Variants in ARHGAP36 observed in about 807,000 individuals in gnomAD.
ARHGAP36 encodes the protein rho GTPase-activating protein 36.
A neutral mutation model predicts 32.9 loss-of-function variants in ARHGAP36; 7 were observed. The observed-to-expected ratio is 0.21, with a 90% confidence interval of 0.12 to 0.40. ARHGAP36 has a LOEUF of 0.40. Among genes scored for constraint, ARHGAP36 ranks in the 10% least tolerant of loss-of-function variants. The pLI, the probability that ARHGAP36 is intolerant of heterozygous loss-of-function variation, is 1.00. For synonymous variants in ARHGAP36, 165 were observed against 168.3 expected (o/e 0.98, Z 0.15); for missense variants, 383 against 442.2 (o/e 0.87, Z 1.20).
chrX:131,086,231 C>A, intron 9 of ARHGAP36, 98 bp from the exon 10 acceptor site: 1 of 1,106,878 alleles, frequency 9.0e-7, no homozygotes. Flanking sequence ...CCCACATTAG[C>A]TGGCCCTGGT....
intron 1 of ARHGAP36, among the ~76,000 whole-genome samples, chrX:131,072,039 T>C (rs1405214514): frequency 8.9e-6 from 1 of 112,129 alleles, no homozygotes; most frequent in East Asian, 2.8e-4. Context: ...TATATATGAT[T>C]GGTGGGCTGC....
intron 1 of ARHGAP36, among the ~76,000 whole-genome samples, chrX:131,069,921 G>T (rs1052526243): frequency 5.3e-5 from 6 of 112,250 alleles, no homozygotes; most frequent in Non-Finnish European, 9.4e-5. Context: ...GTTAACTTAT[G>T]TCCCAGCAGC....
chrX:131,058,454 G>A lies in ARHGAP36; in HGVS notation c.-143+10G>A. ...CCCCGCCCCCGCCGTGGTGAGTGGGGCCCACCGAGTCGGGGGGCTGGGGTG... is the reference window on the plus strand; with the variant it reads ...CCCCGCCCCCGCCGTGGTGAGTGGGACCCACCGAGTCGGGGGGCTGGGGTG... On this transcript the variant is annotated intron_variant, in intron 1 of 11. Transcript: ENST00000276211. The A allele has an allele frequency of 1.9e-6, 2 of 1,055,770 alleles. No homozygotes were observed. The highest frequency in any genetic ancestry group is 1.2e-6 in the Non-Finnish European group (1 of 814,416). 87.0% of individuals were successfully genotyped at this position (1,055,770 alleles called of 1,213,427 possible). A position where few individuals can be genotyped will look rare whatever the true frequency, so the allele number is the denominator to read the frequency against.
intron 2 of ARHGAP36, among the ~76,000 whole-genome samples, chrX:131,082,478 C>T (rs1234524713): frequency 8.9e-6 from 1 of 112,152 alleles, no homozygotes; most frequent in Non-Finnish European, 1.9e-5. Context: ...CGGCGCAGGA[C>T]GAGGTTCGAG....
intron 1 of ARHGAP36, among the ~76,000 whole-genome samples, chrX:131,066,548 G>C (rs982507487): frequency 1.8e-5 from 2 of 112,156 alleles, no homozygotes; most frequent in Admixed American, 9.4e-5. Context: ...CGCTGTCTGG[G>C]AGACAAAGAC....
intron 1 of ARHGAP36, among the ~76,000 whole-genome samples, chrX:131,079,490 A>G (rs773066001): frequency 1.8e-5 from 2 of 111,291 alleles, no homozygotes; most frequent in African/African-American, 3.3e-5. Context: ...TAAGGGAAGT[A>G]GGCAAAAGAG....
chrX:131,088,699 C>G lies in ARHGAP36; in HGVS notation c.1558C>G (p.Pro520Ala). The change falls in exon 12 of 12, where the codon CCT (proline) becomes GCT (alanine). Residue 520 changes from proline to alanine, a missense_variant. Pro to Ala is a conservative substitution (Grantham distance 27). Coordinates refer to ENST00000276211, the MANE Select transcript of ARHGAP36 (RefSeq NM_144967.4). The stretch of plus-strand genomic sequence containing the variant: ...TGACGATGAGGAAGGAGCGGGTAAC[C>G]CTCCCATTCCGGAGCAAGACCGCCC... ...SHDDEEGAGN[P>A]PIPEQDRPLL... 8.3e-7 allele frequency: 1 copy of G among 1,211,699 alleles called. No individual in the cohort carries two copies.
intron 1 of ARHGAP36, among the ~76,000 whole-genome samples, chrX:131,076,331 C>T (rs1167775997): frequency 1.8e-5 from 2 of 112,303 alleles, no homozygotes; most frequent in Non-Finnish European, 3.8e-5. Flanking sequence ...CACTATTATG[C>T]ACCCTGATAC....
In ARHGAP36 at chrX:131,081,928, A is replaced by G; in HGVS notation, c.253+10A>G. ...TTCAAACCTGACAGAGGTAAGCTGT[A>G]CCCCGGATTGTGGCATCCTCGCCTT... On this transcript the variant is annotated intron_variant, in intron 2 of 11. Coordinates refer to ENST00000276211, the MANE Select transcript of ARHGAP36 (RefSeq NM_144967.4). 8.3e-7 allele frequency: 1 copy of G among 1,208,220 alleles called. No homozygotes were observed. The highest frequency in any genetic ancestry group is 1.1e-6 in the Non-Finnish European group (1 of 893,528).
At chrX:131,059,985 A>C (rs1267089225) in intron 1 of ARHGAP36, among the ~76,000 whole-genome samples, 1 of 111,425 alleles carries the variant, frequency 9.0e-6, no homozygotes, top group Admixed American at 9.5e-5. Flanking sequence ...TAGAATTAGA[A>C]GGCTTTTCTT....
chrX:131,067,988 C>T (rs1341447501), intron 1 of ARHGAP36, among the ~76,000 whole-genome samples: 4 of 111,487 alleles, frequency 3.6e-5, no homozygotes, highest in Non-Finnish European at 7.5e-5. Context: ...CATATACACT[C>T]ACCACAGCAC....
At chrX:131,088,328 C>T (rs990262107) in intron 11 of ARHGAP36, among the ~76,000 whole-genome samples, 36 of 111,923 alleles carry the variant, frequency 3.2e-4, no homozygotes, top group Non-Finnish European at 2.8e-4. Context: ...AGGAGGTCGC[C>T]CTCTTACCTG....
intron 1 of ARHGAP36, among the ~76,000 whole-genome samples, chrX:131,062,053 C>G (rs2079672167): frequency 8.9e-6 from 1 of 111,894 alleles, no homozygotes; most frequent in African/African-American, 3.3e-5. Context: ...TCACACCTAC[C>G]TACTACAACA....
intron 2 of ARHGAP36, 113 bp downstream of exon 2, chrX:131,082,031 G>C: frequency 1.1e-6 from 1 of 937,038 alleles, no homozygotes; most frequent in Non-Finnish European, 1.5e-6. Context: ...CCTGATCTCG[G>C]ACTTGATCAG....
chrX:131,068,427 C>T (rs1317794694), intron 1 of ARHGAP36, among the ~76,000 whole-genome samples: 1 of 112,044 alleles, frequency 8.9e-6, no homozygotes, highest in Non-Finnish European at 1.9e-5. Context: ...TCCCCATTCC[C>T]AAGCAAAGGG....
intron 1 of ARHGAP36, among the ~76,000 whole-genome samples, chrX:131,065,041 TTGTGTGTG>T (rs35681413): frequency 3.1e-4 from 32 of 103,395 alleles, no homozygotes; most frequent in East Asian, 9.2e-4. Flanking sequence ...GTGTGTGTGT[TTGTGTGTG>T]TGTGTGTGTG....
In ARHGAP36 at chrX:131,083,604, C is replaced by A. The variant is rs2079818043; in HGVS notation, c.320-130C>A. ...TTTTGGCTAGCTCCCCAGGGAGGGG[C>A]GCTGCGGTTCTGGAGAGGTGGGGTT... On this transcript the variant is annotated intron_variant, in intron 3 of 11. Transcript: ENST00000276211. 6.2e-6 allele frequency: 4 copies of A among 650,332 alleles called. No individual in the cohort carries two copies. In the South Asian group the frequency reaches 1.0e-4, roughly 17 times the overall value. The allele number at this position is 650,332 out of a possible 1,213,427, so 53.6% of individuals were successfully genotyped here. A position where few individuals can be genotyped will look rare whatever the true frequency, so the allele number is the denominator to read the frequency against.
intron 1 of ARHGAP36, chrX:131,078,669 C>CCAA: frequency 2.3e-6 from 2 of 869,059 alleles, no homozygotes; most frequent in Non-Finnish European, 3.0e-6. Context: ...CCACCCCACC[C>CCAA]ATCTGCTTCT....
chrX:131,083,636 G>A (rs1282742237), intron 3 of ARHGAP36, 98 bp from the exon 4 acceptor site: 1 of 851,982 alleles, frequency 1.2e-6, no homozygotes, highest in African/African-American at 2.0e-5. Flanking sequence ...GGTTGGCTGC[G>A]GGTGGTTGCT....
Sources: gnomAD v4.1 joint callset for allele counts (sites outside exome capture counted in the v4.1 genomes callset) on GRCh38, gnomAD v4.1.1 for gene constraint, MANE v1.5 for transcripts, NCBI Gene and HGNC (gene_info 2026-07-23, HGNC 2026-07-21) for gene names.